The following HS6ST3 variants were observed in gnomAD, a reference collection of about 807,000 sequenced individuals.
The protein encoded by HS6ST3 is heparan sulfate 6-O-sulfotransferase 3.
Under a neutral mutation model 36.7 loss-of-function variants are expected in HS6ST3, and 12 were observed. The observed-to-expected ratio is 0.33, with a 90% CI of 0.21 to 0.53. The LOEUF (loss-of-function observed/expected upper bound fraction) is 0.53, where lower values mean the gene tolerates loss of function less well. Among genes scored for constraint, HS6ST3 ranks in the 20% least tolerant of loss-of-function variants. The pLI is 0.95. For synonymous variants in HS6ST3, 240 were observed against 257.5 expected, an observed-to-expected ratio of 0.93 and a Z score of 0.65; for missense variants, 584 against 640.9, an observed-to-expected ratio of 0.91 and a Z score of 0.96.
At chr13:96,144,648 A>G (rs2054047709) in intron 1 of HS6ST3, among the ~76,000 whole-genome samples, 1 of 151,388 alleles carries the variant, frequency 6.6e-6, no homozygotes. Context: ...ATTAATTTTT[A>G]TTATTATTAT....
intron 1 of HS6ST3, among the ~76,000 whole-genome samples, chr13:96,732,026 C>G (rs1876167010): frequency 6.6e-6 from 1 of 152,182 alleles, no homozygotes; most frequent in Admixed American, 6.5e-5. Context: ...TTCCCACAAA[C>G]AGTGTGCAAG....
chr13:96,637,506 T>C, intron 1 of HS6ST3, among the ~76,000 whole-genome samples: 1 of 152,142 alleles, frequency 6.6e-6, no homozygotes, highest in East Asian at 1.9e-4. Flanking sequence ...TGCTGATGAA[T>C]TGAGATACCA....
intron 1 of HS6ST3, among the ~76,000 whole-genome samples, chr13:96,282,569 C>G (rs1378247183): frequency 6.6e-6 from 1 of 152,160 alleles, no homozygotes; most frequent in East Asian, 1.9e-4. Flanking sequence ...AGGAATTAAA[C>G]CTACATCTTT....
intron 1 of HS6ST3, among the ~76,000 whole-genome samples, chr13:96,488,157 C>T (rs2055925107): frequency 1.3e-5 from 2 of 152,074 alleles, no homozygotes; most frequent in African/African-American, 2.4e-5. Context: ...GGTTTGGCTT[C>T]CTCTCTTTGG....
At chr13:96,276,988 G>A (rs535743181) in intron 1 of HS6ST3, among the ~76,000 whole-genome samples, 1 of 152,294 alleles carries the variant, frequency 6.6e-6, no homozygotes, top group Non-Finnish European at 1.5e-5. Context: ...TGCCAAGAGA[G>A]TAGATTTACT....
intron 1 of HS6ST3, among the ~76,000 whole-genome samples, chr13:96,594,261 G>T (rs761618197): frequency 6.6e-6 from 1 of 151,504 alleles, no homozygotes; most frequent in Non-Finnish European, 1.5e-5. Context: ...ATGAGCCACC[G>T]CACCTGGCCA....
intron 1 of HS6ST3, among the ~76,000 whole-genome samples, chr13:96,103,279 T>C (rs1056481704): frequency 1.3e-5 from 2 of 152,084 alleles, no homozygotes; most frequent in Non-Finnish European, 2.9e-5. Flanking sequence ...TTTGGCAGAG[T>C]GGTATCCAGA....
intron 1 of HS6ST3, among the ~76,000 whole-genome samples, chr13:96,520,476 C>G (rs748699486): frequency 1.3e-5 from 2 of 152,156 alleles, no homozygotes; most frequent in Non-Finnish European, 2.9e-5. Flanking sequence ...ATTGATTCTT[C>G]CTATCCATAA....
intron 1 of HS6ST3, among the ~76,000 whole-genome samples, chr13:96,812,487 A>C (rs1878337313): frequency 6.6e-6 from 1 of 152,204 alleles, no homozygotes; most frequent in Non-Finnish European, 1.5e-5. Flanking sequence ...TAGACATGTT[A>C]CCGAGCAAAA....
chr13:96,403,440 GTTGCTGCCATC>G (rs1343095189), intron 1 of HS6ST3, among the ~76,000 whole-genome samples: 5 of 152,182 alleles, frequency 3.3e-5, no homozygotes, highest in African/African-American at 9.6e-5. Flanking sequence ...CAGAGCAGGT[GTTGCTGCCATC>G]TGAGAGTGAT....
chr13:96,754,648 T>G (rs554420495), intron 1 of HS6ST3, among the ~76,000 whole-genome samples: 82 of 152,352 alleles, frequency 5.4e-4, no homozygotes, highest in Non-Finnish European at 1.1e-3. Flanking sequence ...TTTTTAATTC[T>G]CAGCACATTG....
chr13:96,463,006 C>T lies in HS6ST3; in HGVS notation c.708-369484C>T, dbSNP rs1281647345. On this transcript the variant is annotated intron_variant, in intron 1 of 1. Transcript: ENST00000376705. ...TTTGATTTGAAAAAATTAAAGAAAACCAAAATGGATGGAGAGCTATATCAT... is the reference window on the plus strand; with the variant it reads ...TTTGATTTGAAAAAATTAAAGAAAATCAAAATGGATGGAGAGCTATATCAT... Among the ~76,000 whole-genome samples the T allele has an allele frequency of 1.3e-5, 2 of 151,964 alleles. 1 individual carries two copies. The highest frequency in any genetic ancestry group is 4.2e-4 in the South Asian group (2 of 4,810).
rs527391492 is a variant in HS6ST3 at position 96,549,875 on chromosome 13, T to G, written c.708-282615T>G. On this transcript the variant is annotated intron_variant, in intron 1 of 1. Transcript: ENST00000376705. ...CATAGTGCTTCCACTCAATGGTGTC[T>G]GAAATATCTTCTCTGACTTCAGCAG... is the stretch of plus-strand genomic sequence containing the variant. Among the ~76,000 whole-genome samples, 43 of 152,214 alleles carry G rather than the reference T, an allele frequency of 2.8e-4. No individual in the cohort carries two copies. The South Asian group carries it at 5.6e-3, about 20-fold the overall frequency.
chr13:96,597,627 C>A (rs2056406598), intron 1 of HS6ST3, among the ~76,000 whole-genome samples: 1 of 151,744 alleles, frequency 6.6e-6, no homozygotes, highest in Non-Finnish European at 1.5e-5. Flanking sequence ...TTCTCCCATC[C>A]CATAGGGTGT....
intron 1 of HS6ST3, among the ~76,000 whole-genome samples, chr13:96,183,043 A>G (rs2054246868): frequency 6.6e-6 from 1 of 152,262 alleles, no homozygotes; most frequent in Non-Finnish European, 1.5e-5. Flanking sequence ...TCTAGATGGC[A>G]GTAGAAACTA....
In HS6ST3 at chr13:96,774,239, G is replaced by C. The variant is rs1468278311; in HGVS notation, c.708-58251G>C. On this transcript the variant is annotated intron_variant, in intron 1 of 1. Coordinates refer to ENST00000376705, the MANE Select transcript of HS6ST3 (RefSeq NM_153456.4). ...AGATGAGGAAAAACCAGCTCAAAAA[G>C]TCTGAAAATTCCAAAAACCAAAATG... Among the ~76,000 whole-genome samples, 2 of 152,116 alleles carry C rather than the reference G, an allele frequency of 1.3e-5. 1 individual carries two copies.
In HS6ST3 at chr13:96,839,336, G is replaced by A. The variant is rs985488500; in HGVS notation, c.*6138G>A. The A allele has an allele frequency of 4.7e-4, 71 of 152,070 alleles. No individual in the cohort carries two copies. The highest frequency in any genetic ancestry group is 1.7e-3 in the African/African-American group (69 of 41,386). The allele number at this position is 152,070 out of a possible 1,614,324, so 9.4% of individuals were successfully genotyped here. A position where few individuals can be genotyped will look rare whatever the true frequency, so the allele number is the denominator to read the frequency against. On this transcript the variant is annotated 3_prime_UTR_variant, in exon 2 of 2. Transcript: ENST00000376705. Reference sequence around the variant, plus strand: ...CTTTATGTGGGGACCTATTTTACATGTAGATAGTTATTCAGTAGATAGTAA... The same window carrying A: ...CTTTATGTGGGGACCTATTTTACATATAGATAGTTATTCAGTAGATAGTAA...
At chr13:96,516,699 T>C (rs2056074282) in intron 1 of HS6ST3, among the ~76,000 whole-genome samples, 1 of 152,190 alleles carries the variant, frequency 6.6e-6, no homozygotes, top group African/African-American at 2.4e-5. Context: ...ATGAACACAT[T>C]TAAAAGAATT....
chr13:96,151,818 C>T (rs1355056161), intron 1 of HS6ST3, among the ~76,000 whole-genome samples: 1 of 152,210 alleles, frequency 6.6e-6, no homozygotes, highest in African/African-American at 2.4e-5. Context: ...CTCCACCATC[C>T]ATGGTAGTCT....
Sources: allele counts gnomAD v4.1 joint callset (sites outside exome capture counted in the v4.1 genomes callset), GRCh38; gene constraint gnomAD v4.1.1; transcripts MANE v1.5; gene names NCBI Gene and HGNC (gene_info 2026-07-23, HGNC 2026-07-21).